The following SUCLG2 variants were observed in gnomAD, a reference collection of about 807,000 sequenced individuals.
The protein encoded by SUCLG2 is succinate-CoA ligase GDP-forming subunit beta.
Under a neutral mutation model 47.9 loss-of-function variants are expected in SUCLG2, and 42 were observed. The observed-to-expected ratio is 0.88, with a 90% confidence interval of 0.69 to 1.14. The LOEUF (loss-of-function observed/expected upper bound fraction) is 1.14. Ranked by LOEUF, SUCLG2 falls within the 50% of genes most tolerant of loss-of-function variation. The pLI is 0.00. For synonymous variants in SUCLG2, 195 were observed against 197.3 expected, an observed-to-expected ratio of 0.99 and a Z score of 0.10; for missense variants, 571 against 525.9, an observed-to-expected ratio of 1.09 and a Z score of -0.84.
intron 2 of SUCLG2, among the ~76,000 whole-genome samples, chr3:67,574,190 AG>A (rs1346938004): frequency 2.6e-5 from 4 of 152,144 alleles, no homozygotes; most frequent in Non-Finnish European, 4.4e-5. Context: ...TCTGCCTTTA[AG>A]GACTTGTGAT....
chr3:67,504,366 C>T (rs1388313473), intron 7 of SUCLG2, among the ~76,000 whole-genome samples: 2 of 152,130 alleles, frequency 1.3e-5, no homozygotes, highest in Non-Finnish European at 1.5e-5. Context: ...TAACAAGAAG[C>T]AACGGGGTGG....
chr3:67,593,999 C>T (rs1041041833), intron 2 of SUCLG2, among the ~76,000 whole-genome samples: 1 of 152,152 alleles, frequency 6.6e-6, no homozygotes, highest in Non-Finnish European at 1.5e-5. Flanking sequence ...TGGGCTTGCT[C>T]TCTTGCATTC....
At chr3:67,579,920 T>C (rs1707839481) in intron 2 of SUCLG2, among the ~76,000 whole-genome samples, 1 of 151,966 alleles carries the variant, frequency 6.6e-6, no homozygotes, top group Non-Finnish European at 1.5e-5. Context: ...GAAAGACACA[T>C]TATTAAATAT....
intron 2 of SUCLG2, among the ~76,000 whole-genome samples, chr3:67,546,684 G>A (rs912589977): frequency 1.3e-5 from 2 of 152,158 alleles, no homozygotes; most frequent in African/African-American, 2.4e-5. Flanking sequence ...GCAGCGAGCC[G>A]AGATTGTGCC....
chr3:67,608,105 G>C (rs1700457058), intron 2 of SUCLG2, among the ~76,000 whole-genome samples: 1 of 152,200 alleles, frequency 6.6e-6, no homozygotes, highest in African/African-American at 2.4e-5. Context: ...GAATTACAAA[G>C]CTGGTAAAGG....
intron 2 of SUCLG2, among the ~76,000 whole-genome samples, chr3:67,551,234 T>G (rs1050278662): frequency 6.6e-6 from 1 of 152,232 alleles, no homozygotes; most frequent in African/African-American, 2.4e-5. Context: ...AGACATTTAG[T>G]ACTGCCCTGC....
chr3:67,511,863 G>T (rs532851115), intron 6 of SUCLG2, among the ~76,000 whole-genome samples: 2 of 145,386 alleles, frequency 1.4e-5, no homozygotes, highest in South Asian at 4.2e-4. Flanking sequence ...GGGTGTGTGT[G>T]TGTGTACAAG....
intron 10 of SUCLG2, among the ~76,000 whole-genome samples, chr3:67,361,247 T>C (rs1701800053): frequency 6.6e-6 from 1 of 152,172 alleles, no homozygotes; most frequent in South Asian, 2.1e-4. Context: ...TTTTCTATTA[T>C]AGAGTTCTCC....
intron 9 of SUCLG2, among the ~76,000 whole-genome samples, chr3:67,432,343 T>A (rs966909780): frequency 2.0e-5 from 3 of 152,182 alleles, no homozygotes; most frequent in Admixed American, 2.0e-4. Context: ...AAATGCTGTA[T>A]CCTGCAGGTC....
At chr3:67,535,375 C>A (rs1391927533) in intron 2 of SUCLG2, among the ~76,000 whole-genome samples, 1 of 151,848 alleles carries the variant, frequency 6.6e-6, no homozygotes, top group Non-Finnish European at 1.5e-5. Context: ...GGAATCAGCA[C>A]CTCCAGATGG....
intron 2 of SUCLG2, among the ~76,000 whole-genome samples, chr3:67,577,308 A>T (rs1707767328): frequency 1.7e-5 from 1 of 60,192 alleles, no homozygotes; most frequent in African/African-American, 3.5e-5. Context: ...ACTGTCTCAA[A>T]AAACAAAAAA....
intron 9 of SUCLG2, among the ~76,000 whole-genome samples, chr3:67,465,235 G>A (rs1214147280): frequency 2.6e-5 from 4 of 152,072 alleles, no homozygotes; most frequent in African/African-American, 9.7e-5. Context: ...AAGCCTTTCA[G>A]AGGCTTACAA....
intron 9 of SUCLG2, among the ~76,000 whole-genome samples, chr3:67,406,479 T>C (rs1166276794): frequency 6.6e-6 from 1 of 152,154 alleles, no homozygotes; most frequent in East Asian, 1.9e-4. Flanking sequence ...GGGCCTCTCA[T>C]AGGCAGAGAC....
chr3:67,505,399 G>C (rs1436365987), intron 7 of SUCLG2, among the ~76,000 whole-genome samples: 3 of 152,190 alleles, frequency 2.0e-5, no homozygotes, highest in Non-Finnish European at 4.4e-5. Context: ...TCCTAGCTAA[G>C]AGTCACTAAA....
At chr3:67,407,068 G>C (rs144943378) in intron 9 of SUCLG2, among the ~76,000 whole-genome samples, 12 of 152,182 alleles carry the variant, frequency 7.9e-5, no homozygotes, top group African/African-American at 1.4e-4. Flanking sequence ...TAGGTTTTTT[G>C]AGCCCGTCTC....
intron 10 of SUCLG2, among the ~76,000 whole-genome samples, chr3:67,390,160 C>G (rs1034481966): frequency 3.3e-5 from 5 of 152,184 alleles, no homozygotes; most frequent in Admixed American, 2.0e-4. Context: ...CATTTCAAAA[C>G]CCAGTGGCAC....
Position 67,609,471 on chromosome 3 carries a change from C to G in SUCLG2, c.210G>C (p.Glu70Asp). The G allele has an allele frequency of 6.2e-7, 1 of 1,612,484 alleles. No individual in the cohort carries two copies. The highest frequency in any genetic ancestry group is 8.5e-7 in the Non-Finnish European group (1 of 1,179,732). The stretch of plus-strand genomic sequence containing the variant: ...TCAGCTTACTTAGTCTCTTAGCAGC[C>G]TCGAGAGCTTCATTTGCAGTGTCTG... ...FVADTANEAL[E>D]AAKRLNAKEI... Residue 70 changes from glutamate (E) to aspartate (D), a missense_variant, in exon 2 of 11, where the codon GAG (glutamate) becomes GAC (aspartate). Physicochemically the swap from Glu to Asp is conservative, Grantham distance 45. Transcript: ENST00000307227.
chr3:67,384,705 G>T (rs1702225367), intron 10 of SUCLG2, among the ~76,000 whole-genome samples: 1 of 152,104 alleles, frequency 6.6e-6, no homozygotes, highest in African/African-American at 2.4e-5. Flanking sequence ...CCCACCTATG[G>T]TCTCTTTGAA....
At chr3:67,538,830 T>G (rs1228898360) in intron 2 of SUCLG2, among the ~76,000 whole-genome samples, 1 of 152,128 alleles carries the variant, frequency 6.6e-6, no homozygotes, top group Non-Finnish European at 1.5e-5. Context: ...ATTGTGAATG[T>G]GAGTTCACTC....
Sources: gnomAD v4.1 joint callset for allele counts (sites outside exome capture counted in the v4.1 genomes callset) on GRCh38, gnomAD v4.1.1 for gene constraint, MANE v1.5 for transcripts, NCBI Gene and HGNC (gene_info 2026-07-23, HGNC 2026-07-21) for gene names.